Variants in PTPRG observed in about 807,000 individuals in gnomAD.
PTPRG encodes the protein receptor-type tyrosine-protein phosphatase gamma.
In PTPRG, 102 loss-of-function variants were observed where a neutral mutation model predicts 165.3. The observed-to-expected ratio is 0.62, with a 90% confidence interval of 0.53 to 0.73. The LOEUF is 0.73. Among genes scored for constraint, PTPRG ranks in the 30% least tolerant of loss-of-function variants. The pLI is 0.00. For missense variants in PTPRG, 1,866 were observed against 1,861.4 expected, an observed-to-expected ratio of 1.00 and a Z score of -0.05; for synonymous variants, 675 against 669.5, an observed-to-expected ratio of 1.01 and a Z score of -0.13.
rs56049226 is a variant in PTPRG, at chr3:62,078,527, C to T, written c.615+269C>T. ...ACATTTATCATCTAAGTTACTTCGC[C>T]GCTGAAGCATTTTGAACAGGTTCCT... On this transcript the variant is annotated intron_variant, in intron 5 of 29. Coordinates refer to ENST00000474889, the MANE Select transcript of PTPRG (RefSeq NM_002841.4). Among the ~76,000 whole-genome samples, 526 of 152,064 alleles carry T rather than the reference C, an allele frequency of 3.5e-3. 3 individuals carry two copies. Among genetic ancestry groups the T allele is most frequent in the Middle Eastern group, 0.01 (3 of 294 alleles).
intron 1 of PTPRG, among the ~76,000 whole-genome samples, chr3:61,574,617 G>A (rs775782064): frequency 6.6e-6 from 1 of 152,202 alleles, no homozygotes; most frequent in Non-Finnish European, 1.5e-5. Context: ...TATTTCATGT[G>A]ATAGAGGTTT....
chr3:62,212,885 T>C (rs970708160), intron 12 of PTPRG, among the ~76,000 whole-genome samples: 1 of 152,176 alleles, frequency 6.6e-6, no homozygotes, highest in African/African-American at 2.4e-5. Context: ...GGAAGGGGTG[T>C]CAAACCAGGG....
At chr3:62,124,908 C>T (rs559248522) in intron 5 of PTPRG, among the ~76,000 whole-genome samples, 69 of 152,196 alleles carry the variant, frequency 4.5e-4, no homozygotes, top group African/African-American at 1.5e-3. Flanking sequence ...TAAAACTAAG[C>T]CACTAGATCT....
At chr3:61,731,349 CTTTTTTTTTT>C (rs543374959) in intron 1 of PTPRG, among the ~76,000 whole-genome samples, 1 of 132,196 alleles carries the variant, frequency 7.6e-6, no homozygotes, top group African/African-American at 2.8e-5. Context: ...TTCCTTTTTC[CTTTTTTTTTT>C]TTTTTTTTGA....
At chr3:61,563,538 C>T (rs956819839) in intron 1 of PTPRG, among the ~76,000 whole-genome samples, 2 of 152,172 alleles carry the variant, frequency 1.3e-5, no homozygotes, top group African/African-American at 4.8e-5. Flanking sequence ...CGGGGAAGGG[C>T]TGGAAGAAGG....
intron 1 of PTPRG, among the ~76,000 whole-genome samples, chr3:61,598,397 C>T (rs188656442): frequency 3.9e-5 from 6 of 152,300 alleles, no homozygotes; most frequent in African/African-American, 1.4e-4. Flanking sequence ...TCCTTTTACC[C>T]TGGAGATTCC....
At chr3:62,110,728 A>AT (rs1383351881) in intron 5 of PTPRG, among the ~76,000 whole-genome samples, 1 of 152,188 alleles carries the variant, frequency 6.6e-6, no homozygotes, top group Non-Finnish European at 1.5e-5. Context: ...ATCCGTTCAC[A>AT]TTTCTAAGAG....
chr3:61,659,048 C>A (rs1042632512), intron 1 of PTPRG, among the ~76,000 whole-genome samples: 7 of 152,004 alleles, frequency 4.6e-5, no homozygotes, highest in African/African-American at 1.4e-4. Flanking sequence ...CCTGCCCCTG[C>A]CCCTGCCCCT....
At chr3:62,111,463 G>C (rs1702663967) in intron 5 of PTPRG, among the ~76,000 whole-genome samples, 1 of 152,162 alleles carries the variant, frequency 6.6e-6, no homozygotes, top group African/African-American at 2.4e-5. Context: ...TTTCTTTTCT[G>C]TTTAGAGACA....
chr3:62,191,420 T>A, intron 8 of PTPRG, 49 bp from the exon 9 acceptor site: 2 of 1,572,652 alleles, frequency 1.3e-6, no homozygotes, highest in Non-Finnish European at 1.7e-6. Flanking sequence ...ACGGATTGAA[T>A]GGCGCATTGT....
At chr3:61,589,785 A>T (rs189447706) in intron 1 of PTPRG, among the ~76,000 whole-genome samples, 1 of 151,860 alleles carries the variant, frequency 6.6e-6, no homozygotes, top group Non-Finnish European at 1.5e-5. Flanking sequence ...AGATGGGTGG[A>T]TGGATAGGTG....
At chr3:61,751,390 A>T (rs925461725) in intron 2 of PTPRG, among the ~76,000 whole-genome samples, 25 of 152,190 alleles carry the variant, frequency 1.6e-4, no homozygotes, top group African/African-American at 5.1e-4. Context: ...TTATGAGGGA[A>T]GTGTTTCTAA....
At chr3:61,950,326 C>T (rs1365159286) in intron 2 of PTPRG, among the ~76,000 whole-genome samples, 2 of 152,132 alleles carry the variant, frequency 1.3e-5, no homozygotes, top group Non-Finnish European at 2.9e-5. Flanking sequence ...ACACCTATGC[C>T]TCCAAATTGT....
At chr3:61,656,872 TCAGGCACC>T (rs1702523096) in intron 1 of PTPRG, among the ~76,000 whole-genome samples, 2 of 152,204 alleles carry the variant, frequency 1.3e-5, no homozygotes, top group African/African-American at 4.8e-5. Flanking sequence ...CCCCTTTGTT[TCAGGCACC>T]CAGGATAGAG....
At chr3:62,140,851 CAAA>C (rs58630476) in intron 6 of PTPRG, among the ~76,000 whole-genome samples, 1,259 of 71,090 alleles carry the variant, frequency 0.018, 7 homozygotes, top group Middle Eastern at 0.075. Flanking sequence ...GACTCGGTCT[CAAA>C]AAAAAAAAAA....
At chr3:61,603,382 C>T (rs1700917135) in intron 1 of PTPRG, among the ~76,000 whole-genome samples, 1 of 152,162 alleles carries the variant, frequency 6.6e-6, no homozygotes, top group South Asian at 2.1e-4. Flanking sequence ...TGTGGCATCC[C>T]TCACCTACCC....
chr3:62,236,896 G>GATGT (rs1701045898), intron 14 of PTPRG, among the ~76,000 whole-genome samples: 2 of 152,166 alleles, frequency 1.3e-5, no homozygotes, highest in Non-Finnish European at 2.9e-5. Context: ...GTGGGTGTAC[G>GATGT]TGTTGACCCA....
chr3:61,786,686 A>G (rs2034714351), intron 2 of PTPRG, among the ~76,000 whole-genome samples: 1 of 152,160 alleles, frequency 6.6e-6, no homozygotes, highest in Non-Finnish European at 1.5e-5. Flanking sequence ...TTCTATTTTT[A>G]TACTTATGTC....
At chr3:61,738,163 G>T (rs1332188126) in intron 1 of PTPRG, among the ~76,000 whole-genome samples, 3 of 149,176 alleles carry the variant, frequency 2.0e-5, no homozygotes, top group Admixed American at 2.0e-4. Flanking sequence ...CTCCCAAAGT[G>T]CTGGGATTAC....
Sources: allele counts gnomAD v4.1 joint callset (sites outside exome capture counted in the v4.1 genomes callset), GRCh38; gene constraint gnomAD v4.1.1; transcripts MANE v1.5; gene names NCBI Gene and HGNC (gene_info 2026-07-23, HGNC 2026-07-21).